Variants in ETFRF1 observed in about 807,000 individuals in gnomAD.
ETFRF1 encodes electron transfer flavoprotein regulatory factor 1.
Under a neutral mutation model 9.0 loss-of-function variants are expected in ETFRF1, and 12 were observed. The ratio of observed to expected loss-of-function variants is 1.34; its 90% confidence interval spans 0.86 to 2.16. The LOEUF (loss-of-function observed/expected upper bound fraction) is 2.16, where lower values mean the gene tolerates loss of function less well. Ranked by LOEUF, ETFRF1 falls within the 30% of genes most tolerant of loss-of-function variation. ETFRF1 has a pLI of 0.00. For missense variants in ETFRF1, 98 were observed against 101.8 expected, an observed-to-expected ratio of 0.96 and a Z score of 0.16; for synonymous variants, 34 against 33.2, an observed-to-expected ratio of 1.02 and a Z score of -0.08.
At chr12:25,195,788 G>A (rs929478056) in intron 1 of ETFRF1, 1 of 152,502 alleles carries the variant, frequency 6.6e-6, no homozygotes, top group Non-Finnish European at 1.5e-5. Context: ...TCCTTAACAT[G>A]AAGATCGCTG....
At position 25,204,239 on chromosome 12, in the gene ETFRF1, A is replaced by C. The variant is rs769851983; in HGVS notation, c.200A>C (p.Glu67Ala). Residue 67 changes from glutamate (E) to alanine (A), a missense_variant, in exon 3 of 3, where the codon GAA becomes GCA. Transcript: ENST00000381356. The part of the protein sequence containing the change: ...AQGEFVMKEL[E>A]ALYFLRKYRA... ...GGCGAATTTGTAATGAAAGAGCTAGAAGCTTTGTACTTCCTTAGGAAATAC... is the reference window on the plus strand; with the variant it reads ...GGCGAATTTGTAATGAAAGAGCTAGCAGCTTTGTACTTCCTTAGGAAATAC... The C allele has an allele frequency of 4.2e-5, 67 of 1,610,958 alleles. No homozygotes were observed. Among genetic ancestry groups the C allele is most frequent in the Non-Finnish European group, 5.5e-5 (65 of 1,179,040 alleles).
chr12:25,197,987 G>T (rs929762505), intron 1 of ETFRF1, among the ~76,000 whole-genome samples: 2 of 152,110 alleles, frequency 1.3e-5, no homozygotes, highest in African/African-American at 4.8e-5. Context: ...TCAGAAGCTG[G>T]AAAACAGGTG....
intron 1 of ETFRF1, among the ~76,000 whole-genome samples, chr12:25,199,019 T>G (rs1478292772): frequency 2.0e-5 from 3 of 152,172 alleles, no homozygotes; most frequent in Non-Finnish European, 4.4e-5. Flanking sequence ...TTTCAGCATC[T>G]CTTAGCTCTG....
chr12:25,195,572 C>A, intron 1 of ETFRF1: 1 of 202,620 alleles, frequency 4.9e-6, no homozygotes, highest in Non-Finnish European at 1.0e-5. Flanking sequence ...TGGGCCTCTG[C>A]GGTTTAATCC....
rs571866003 is a variant in ETFRF1 at position 25,204,928 on chromosome 12, C to T, written c.*616C>T. On this transcript the variant is annotated 3_prime_UTR_variant, in exon 3 of 3. Coordinates refer to ENST00000381356, the MANE Select transcript of ETFRF1 (RefSeq NM_001001660.3). Reference sequence around the variant, plus strand: ...ATTATTTCCATTATTAATGTTGCTGCTGCTACCTTTGGGCCTAAAACCAAG... The same window carrying T: ...ATTATTTCCATTATTAATGTTGCTGTTGCTACCTTTGGGCCTAAAACCAAG... 12 of 202,648 alleles carry T rather than the reference C, an allele frequency of 5.9e-5. No individual in the cohort carries two copies. Among genetic ancestry groups the T allele is most frequent in the Admixed American group, 1.2e-4 (2 of 16,702 alleles). 12.6% of individuals were successfully genotyped at this position (202,648 alleles called of 1,614,324 possible).
At chr12:25,199,704 C>G (rs1363998924) in intron 1 of ETFRF1, among the ~76,000 whole-genome samples, 4 of 151,594 alleles carry the variant, frequency 2.6e-5, no homozygotes, top group Admixed American at 2.0e-4. Context: ...ACAAAGGTTG[C>G]CTTGTGCATC....
Position 25,199,615 on chromosome 12 carries a change from T to TACACACACACACACAC in ETFRF1, c.-38+4281_-38+4282insCACACACACACACACA, listed in dbSNP as rs769056865. Among the ~76,000 whole-genome samples, 845 of 111,266 alleles carry TACACACACACACACAC rather than the reference T, an allele frequency of 7.6e-3. 7 individuals are homozygous for TACACACACACACACAC. Among genetic ancestry groups the TACACACACACACACAC allele is most frequent in the South Asian group, 0.016 (62 of 3,766 alleles). 73.0% of individuals were successfully genotyped at this position (111,266 alleles called of 152,430 possible). A position where few individuals can be genotyped will look rare whatever the true frequency, so the allele number is the denominator to read the frequency against. ...AGATTTGTATATATACATATATGTA[T>TACACACACACACACAC]ACATACACACACACACACACACACA... On this transcript the variant is annotated intron_variant, in intron 1 of 2. Coordinates refer to ENST00000381356, the MANE Select transcript of ETFRF1 (RefSeq NM_001001660.3).
chr12:25,203,159 G>A (rs541428009), intron 1 of ETFRF1, among the ~76,000 whole-genome samples: 2 of 151,786 alleles, frequency 1.3e-5, no homozygotes, highest in African/African-American at 4.8e-5. Context: ...GCATCCACCT[G>A]ATAGGATGCA....
At chr12:25,203,718 C>T (rs1156407762) in intron 1 of ETFRF1, 2 of 357,924 alleles carry the variant, frequency 5.6e-6, no homozygotes, top group African/African-American at 4.2e-5. Context: ...GCTTATGTCT[C>T]CCATAGGAAA....
Position 25,199,201 on chromosome 12 carries a change from TAATA to T in ETFRF1, c.-38+3865_-38+3868del, listed in dbSNP as rs932851271. Among the ~76,000 whole-genome samples, 78 of 149,688 alleles carry T rather than the reference TAATA, an allele frequency of 5.2e-4. No homozygotes were observed. The Middle Eastern group carries it at 0.011, about 21-fold the overall frequency. ...GCTATAATATATACTACATATAGTA[TAATA>T]TATAGTATACATATTTTTGTTTCCA... On this transcript the variant is annotated intron_variant, in intron 1 of 2. Transcript: ENST00000381356.
intron 1 of ETFRF1, 76 bp downstream of exon 1, chr12:25,195,413 G>A (rs775264509): frequency 2.4e-4 from 125 of 523,286 alleles, no homozygotes; most frequent in Non-Finnish European, 3.9e-4. Flanking sequence ...TATGCTCTGG[G>A]CGAGGACCAC....
At chr12:25,195,482 G>C (rs530563678) in intron 1 of ETFRF1, 145 bp downstream of exon 1, 1 of 355,566 alleles carries the variant, frequency 2.8e-6, no homozygotes, top group Non-Finnish European at 5.3e-6. Context: ...TTCCTAGAGT[G>C]TGTTGGGTCT....
At chr12:25,199,596 GTATA>G (rs1951057841) in intron 1 of ETFRF1, among the ~76,000 whole-genome samples, 1 of 137,738 alleles carries the variant, frequency 7.3e-6, no homozygotes, top group Non-Finnish European at 1.6e-5. Context: ...ATATAGATTT[GTATA>G]TATACATATA....
At chr12:25,202,497 G>C (rs1951083143) in intron 1 of ETFRF1, among the ~76,000 whole-genome samples, 2 of 152,084 alleles carry the variant, frequency 1.3e-5, no homozygotes, top group Admixed American at 1.3e-4. Flanking sequence ...TTTTGGAATG[G>C]GAACAAAAGG....
intron 1 of ETFRF1, among the ~76,000 whole-genome samples, chr12:25,199,619 T>TACACACACACATACAC (rs1951058357): frequency 1.4e-5 from 2 of 143,598 alleles, no homozygotes; most frequent in Non-Finnish European, 3.0e-5. Flanking sequence ...TATGTATACA[T>TACACACACACATACAC]ACACACACAC....
intron 1 of ETFRF1, among the ~76,000 whole-genome samples, chr12:25,203,157 C>T (rs1000988141): frequency 6.6e-6 from 1 of 151,692 alleles, no homozygotes; most frequent in African/African-American, 2.4e-5. Flanking sequence ...TTGCATCCAC[C>T]TGATAGGATG....
intron 1 of ETFRF1, among the ~76,000 whole-genome samples, chr12:25,203,288 A>C (rs1191676936): frequency 1.3e-5 from 2 of 152,196 alleles, no homozygotes; most frequent in Non-Finnish European, 2.9e-5. Context: ...CACATTACAC[A>C]TAAAGAAGCA....
At chr12:25,198,427 A>G (rs1951048437) in intron 1 of ETFRF1, among the ~76,000 whole-genome samples, 1 of 152,128 alleles carries the variant, frequency 6.6e-6, no homozygotes, top group Non-Finnish European at 1.5e-5. Flanking sequence ...TATATGCTTC[A>G]CCCACGTATA....
In ETFRF1 at chr12:25,204,358, A is replaced by G. The variant is rs540449900; in HGVS notation, c.*46A>G. 17 of 1,386,192 alleles carry G rather than the reference A, an allele frequency of 1.2e-5. No individual in the cohort carries two copies. In the Admixed American group the frequency reaches 3.1e-4, roughly 25 times the overall value. The allele number at this position is 1,386,192 out of a possible 1,614,324, so 85.9% of individuals were successfully genotyped here. A position where few individuals can be genotyped will look rare whatever the true frequency, so the allele number is the denominator to read the frequency against. ...CTATCAGTGCCAGCTGTTTATGTAT[A>G]CCAGATGTTGTAAAATAATTCTAAC... On this transcript the variant is annotated 3_prime_UTR_variant, in exon 3 of 3. Coordinates refer to ENST00000381356, the MANE Select transcript of ETFRF1 (RefSeq NM_001001660.3).
Sources: allele counts gnomAD v4.1 joint callset (sites outside exome capture counted in the v4.1 genomes callset), GRCh38; gene constraint gnomAD v4.1.1; transcripts MANE v1.5; gene names NCBI Gene and HGNC (gene_info 2026-07-23, HGNC 2026-07-21).